DDX11: variants seen among roughly 807,000 people sequenced by gnomAD.
DDX11 encodes the protein ATP-dependent DNA helicase DDX11.
A neutral mutation model predicts 125.2 loss-of-function variants in DDX11; 72 were observed. That is an observed-to-expected ratio of 0.58 (90% confidence interval 0.48 to 0.70). The LOEUF (loss-of-function observed/expected upper bound fraction) is 0.70, where lower values mean the gene tolerates loss of function less well. Ranked by LOEUF, DDX11 falls within the 30% of genes least tolerant of loss-of-function variation. The probability of loss-of-function intolerance (pLI) is 0.00; values close to 1 mark genes in which losing one functional copy is unlikely to be tolerated. For missense variants in DDX11, 883 were observed against 1,165.0 expected, an observed-to-expected ratio of 0.76 and a Z score of 3.52; for synonymous variants, 347 against 452.6, an observed-to-expected ratio of 0.77 and a Z score of 2.96.
intron 6 of DDX11, among the ~76,000 whole-genome samples, chr12:31,088,703 C>G (rs35027512): frequency 0.073 from 11,067 of 152,292 alleles, 522 homozygotes; most frequent in Non-Finnish European, 0.11. Flanking sequence ...CCACCAACAA[C>G]CCACCCTCCC....
Position 31,087,983 on chromosome 12 carries a change from G to A in DDX11, c.684G>A (p.Lys228=), listed in dbSNP as rs1487538433. The change falls in exon 6 of 27, where the codon AAG becomes AAA. Residue 228 remains lysine (K), a splice_region_variant and synonymous_variant. Coordinates refer to ENST00000542838, the MANE Select transcript of DDX11 (RefSeq NM_030653.4). ...ACCTGGAGGAAGAACACATAACTAA[G>A]GTAACACAAGTGTCCTCAGCTGGTG... is the stretch of plus-strand genomic sequence containing the variant. ...EDDLEEEHIT[K]IYYCSRTHSQ... 3 of 1,607,896 alleles carry A rather than the reference G, an allele frequency of 1.9e-6. No homozygotes were observed. The highest frequency in any genetic ancestry group is 2.5e-6 in the Non-Finnish European group (3 of 1,177,570).
At chr12:31,074,513 C>T (rs1940416926) in intron 1 of DDX11, among the ~76,000 whole-genome samples, 1 of 152,190 alleles carries the variant, frequency 6.6e-6, no homozygotes, top group Non-Finnish European at 1.5e-5. Flanking sequence ...GTACGGAGGC[C>T]AGGAATGAGT....
At chr12:31,081,395 C>G (rs188423448) in intron 2 of DDX11, among the ~76,000 whole-genome samples, 1 of 152,306 alleles carries the variant, frequency 6.6e-6, no homozygotes, top group Non-Finnish European at 1.5e-5. Context: ...CACAGGTGCC[C>G]CACCTTAGCT....
intron 1 of DDX11, among the ~76,000 whole-genome samples, chr12:31,077,760 T>C (rs1940966910): frequency 2.0e-5 from 3 of 150,300 alleles, no homozygotes; most frequent in African/African-American, 4.9e-5. Flanking sequence ...AGGAGAATGG[T>C]GTGAACCCGG....
chr12:31,074,320 C>T, intron 1 of DDX11: 1 of 152,232 alleles, frequency 6.6e-6, no homozygotes, highest in East Asian at 1.9e-4. Flanking sequence ...AGATAAGACA[C>T]TGCAACAGTG....
At chr12:31,102,728 C>A (rs1039832776) in intron 23 of DDX11, 18 of 707,626 alleles carry the variant, frequency 2.5e-5, no homozygotes, top group Non-Finnish European at 3.5e-5. Context: ...CTACCCATTG[C>A]TGTATCAGGA....
chr12:31,094,617 A>G lies in DDX11; in HGVS notation c.1397A>G (p.Gln466Arg), dbSNP rs1226896570. 2 of 1,573,940 alleles carry G rather than the reference A, an allele frequency of 1.3e-6. No individual in the cohort carries two copies. Among genetic ancestry groups the G allele is most frequent in the South Asian group, 1.2e-5 (1 of 85,974 alleles). The change falls in exon 13 of 27, where the codon CAG (glutamine) becomes CGG (arginine). Residue 466 changes from glutamine (Q) to arginine (R), a missense_variant. Transcript: ENST00000542838. ...AACATTAAGCAAAATCCCAATACACAGAGTCTGTCACAGACAGGTAAGAGA... is the reference window on the plus strand; with the variant it reads ...AACATTAAGCAAAATCCCAATACACGGAGTCTGTCACAGACAGGTAAGAGA... ...GGNIKQNPNT[Q>R]SLSQTGTELK... is the part of the protein sequence containing the mutation.
At chr12:31,097,546 G>A (rs1250079071) in intron 17 of DDX11, among the ~76,000 whole-genome samples, 1 of 149,390 alleles carries the variant, frequency 6.7e-6, no homozygotes, top group Non-Finnish European at 1.5e-5. Context: ...AGGGTGTGGT[G>A]GTGGGTGCCT....
intron 2 of DDX11, among the ~76,000 whole-genome samples, chr12:31,080,146 CTTTGT>C (rs1202933235): frequency 6.8e-6 from 1 of 146,808 alleles, no homozygotes; most frequent in African/African-American, 2.6e-5. Flanking sequence ...GGCTGGGCTC[CTTTGT>C]TGGGGGCCTC....
Position 31,103,372 on chromosome 12 carries a change from T to C in DDX11, c.2513T>C (p.Met838Thr), listed in dbSNP as rs151216504. Residue 838 changes from methionine to threonine, a missense_variant, in exon 25 of 27, where the codon ATG (methionine) becomes ACG (threonine). This residue lies in a region of DDX11 where 285 missense variants were observed against 346.0 expected (regional missense o/e 0.82). Transcript: ENST00000542838. ...AAGGCTCTGGTGGAGAACCTGTGCA[T>C]GAAGGCCGTCAACCAGTCCATAGGT... is the stretch of plus-strand genomic sequence containing the variant. Reference protein sequence around the residue: ...PGKALVENLCMKAVNQSIGRA... With the variant: ...PGKALVENLCTKAVNQSIGRA... 8.2e-4 allele frequency: 1,323 copies of C among 1,610,388 alleles called. 17 individuals carry two copies. In the African/African-American group the frequency reaches 0.016, roughly 19 times the overall value.
At position 31,086,170 on chromosome 12, in the gene DDX11, C is replaced by T. The variant is rs555064339; in HGVS notation, c.638+1044C>T. 5.1e-5 allele frequency: 23 copies of T among 452,642 alleles called. 1 individual carries two copies. The highest frequency in any genetic ancestry group is 3.4e-4 in the South Asian group (22 of 64,124). The allele number at this position is 452,642 out of a possible 1,614,324, so 28.0% of individuals were successfully genotyped here. On this transcript the variant is annotated intron_variant, in intron 5 of 26. Coordinates refer to ENST00000542838, the MANE Select transcript of DDX11 (RefSeq NM_030653.4). ...TGCTGTGGCCAAACACCCTGCCCTC[C>T]TCCCTTGGCAGATGTCTTCCTCTCC...
Position 31,093,885 on chromosome 12 carries a change from A to G in DDX11, c.1369+561A>G, listed in dbSNP as rs893146533. On this transcript the variant is annotated intron_variant, in intron 12 of 26. Transcript: ENST00000542838. ...ATTTCAGGCCCTGCTCTGGGGGGAT[A>G]TTAAGGATACAGCATCACATAGACA... 4.0e-5 allele frequency among the ~76,000 whole-genome samples: 6 copies of G among 148,194 alleles called. No homozygotes were observed. In the Admixed American group the frequency reaches 4.1e-4, roughly 10 times the overall value.
intron 5 of DDX11, chr12:31,086,153 C>A: frequency 2.2e-6 from 1 of 454,016 alleles, no homozygotes; most frequent in Non-Finnish European, 4.4e-6. Context: ...CGTGCTGTGG[C>A]CAAACACCCT....
chr12:31,096,975 A>T lies in DDX11; in HGVS notation c.1747A>T (p.Ile583Phe), dbSNP rs1245388406. 2 of 1,613,682 alleles carry T rather than the reference A, an allele frequency of 1.2e-6. No individual in the cohort carries two copies. Among genetic ancestry groups the T allele is most frequent in the East Asian group, 2.2e-5 (1 of 44,862 alleles). The change falls in exon 17 of 27, where the codon ATC becomes TTC. Residue 583 changes from isoleucine (I) to phenylalanine (F), a missense_variant. Coordinates refer to ENST00000542838, the MANE Select transcript of DDX11 (RefSeq NM_030653.4). ...TACGGCCAACCAGGACGGCAGGGTC[A>T]TCCTGAGCCGCCAAGGTAATCAGGT... ...LTTANQDGRVILSRQGSLSQS... is the reference protein window; with the variant it reads ...LTTANQDGRVFLSRQGSLSQS...
intron 1 of DDX11, among the ~76,000 whole-genome samples, chr12:31,075,725 A>C (rs1424189122): frequency 2.0e-5 from 3 of 152,234 alleles, no homozygotes; most frequent in African/African-American, 7.2e-5. Flanking sequence ...TTGAATGCCT[A>C]TGAGGTGTCG....
At chr12:31,077,768 C>A (rs375830540) in intron 1 of DDX11, among the ~76,000 whole-genome samples, 1 of 151,226 alleles carries the variant, frequency 6.6e-6, no homozygotes, top group Admixed American at 6.6e-5. Context: ...GGTGTGAACC[C>A]GGGAGGCGGA....
At chr12:31,093,191 G>A (rs994685077) in intron 11 of DDX11, 54 bp from the exon 12 acceptor site, 74 of 1,544,800 alleles carry the variant, frequency 4.8e-5, no homozygotes, top group Non-Finnish European at 5.9e-5. Context: ...TGGGGTGGGC[G>A]GGGCGAGTCG....
At chr12:31,086,426 G>A (rs922005831) in intron 5 of DDX11, among the ~76,000 whole-genome samples, 4 of 151,926 alleles carry the variant, frequency 2.6e-5, no homozygotes, top group African/African-American at 9.7e-5. Flanking sequence ...ATGCTGCCTC[G>A]TTGCAGTCTG....
At chr12:31,087,785 T>TG (rs1943418493) in intron 5 of DDX11, 153 bp from the exon 6 acceptor site, 1 of 1,373,336 alleles carries the variant, frequency 7.3e-7, no homozygotes, top group African/African-American at 1.4e-5. Flanking sequence ...GGCATTTGCC[T>TG]GGGGGAGTTT....
Sources: allele counts gnomAD v4.1 joint callset (sites outside exome capture counted in the v4.1 genomes callset), GRCh38; gene constraint gnomAD v4.1.1; regional missense constraint gnomAD v4.1.1; transcripts MANE v1.5; gene names NCBI Gene and HGNC (gene_info 2026-07-23, HGNC 2026-07-21).